FGF12: variants seen among roughly 807,000 people sequenced by gnomAD.
FGF12 encodes the protein fibroblast growth factor 12, also known as fibroblast growth factor 12B.
In FGF12, 14 loss-of-function variants were observed where a neutral mutation model predicts 23.6. The ratio of observed to expected loss-of-function variants is 0.59; its 90% confidence interval spans 0.39 to 0.93. The LOEUF is 0.93. Among genes scored for constraint, FGF12 ranks in the 40% least tolerant of loss-of-function variants. FGF12 has a pLI of 0.00. For missense variants in FGF12, 175 were observed against 217.8 expected, an observed-to-expected ratio of 0.80 and a Z score of 1.24; for synonymous variants, 62 against 77.3, an observed-to-expected ratio of 0.80 and a Z score of 1.04.
intron 2 of FGF12, among the ~76,000 whole-genome samples, chr3:192,660,857 A>G (rs1716639490): frequency 6.8e-6 from 1 of 146,924 alleles, no homozygotes; most frequent in Non-Finnish European, 1.5e-5. Flanking sequence ...GGTTGGATTC[A>G]TGCTCAAGGA....
intron 4 of FGF12, among the ~76,000 whole-genome samples, chr3:192,212,182 G>A (rs948690433): frequency 2.0e-5 from 3 of 152,136 alleles, no homozygotes; most frequent in Admixed American, 1.3e-4. Context: ...TCACTTATCT[G>A]GCTGCAAACC....
chr3:192,553,697 C>T (rs953659540), intron 2 of FGF12, among the ~76,000 whole-genome samples: 1 of 152,146 alleles, frequency 6.6e-6, no homozygotes, highest in Non-Finnish European at 1.5e-5. Context: ...ATAGTCCCCC[C>T]AACCCCCGGC....
chr3:192,201,223 T>C (rs911367251), intron 4 of FGF12, among the ~76,000 whole-genome samples: 4 of 151,580 alleles, frequency 2.6e-5, no homozygotes, highest in Non-Finnish European at 5.9e-5. Flanking sequence ...GCTTTCTTGA[T>C]TGATCTCTTT....
chr3:192,548,117 A>C (rs1725540867), intron 2 of FGF12, among the ~76,000 whole-genome samples: 1 of 152,198 alleles, frequency 6.6e-6, no homozygotes, highest in Non-Finnish European at 1.5e-5. Context: ...GTAAATTTGA[A>C]TAACATCCAA....
chr3:192,221,909 A>G (rs1375590547), intron 4 of FGF12, among the ~76,000 whole-genome samples: 1 of 152,202 alleles, frequency 6.6e-6, no homozygotes, highest in Admixed American at 6.5e-5. Flanking sequence ...GAAGCAAAAT[A>G]TAAACAAAAA....
intron 2 of FGF12, among the ~76,000 whole-genome samples, chr3:192,436,379 A>C (rs1353373741): frequency 1.3e-5 from 2 of 152,220 alleles, no homozygotes; most frequent in Non-Finnish European, 2.9e-5. Context: ...CAGCAGAATC[A>C]AGTGGAGGGC....
chr3:192,636,498 A>C (rs903457231), intron 2 of FGF12, among the ~76,000 whole-genome samples: 1 of 152,222 alleles, frequency 6.6e-6, no homozygotes, highest in Admixed American at 6.5e-5. Context: ...AATTCTTAAC[A>C]AATAGTTTCA....
chr3:192,526,552 G>A (rs963213537), intron 2 of FGF12, among the ~76,000 whole-genome samples: 8 of 151,660 alleles, frequency 5.3e-5, no homozygotes, highest in East Asian at 3.9e-4. Flanking sequence ...ACACACACAC[G>A]CATACACACA....
At chr3:192,682,177 C>A (rs1487935313) in intron 2 of FGF12, among the ~76,000 whole-genome samples, 1 of 152,070 alleles carries the variant, frequency 6.6e-6, no homozygotes, top group Non-Finnish European at 1.5e-5. Flanking sequence ...CAGCAGTGGT[C>A]TAAAGAACCC....
At chr3:192,556,050 C>A in intron 2 of FGF12, among the ~76,000 whole-genome samples, 1 of 151,248 alleles carries the variant, frequency 6.6e-6, no homozygotes, top group Admixed American at 6.6e-5. Context: ...AAGCATGTTG[C>A]TATTAAAAAA....
At chr3:192,281,629 G>A (rs1011324526) in intron 4 of FGF12, among the ~76,000 whole-genome samples, 3 of 151,990 alleles carry the variant, frequency 2.0e-5, no homozygotes, top group Non-Finnish European at 2.9e-5. Flanking sequence ...CCATGCTGCC[G>A]AAGGTCGCAC....
chr3:192,145,519 T>G (rs1255414867), intron 5 of FGF12, among the ~76,000 whole-genome samples: 1 of 152,206 alleles, frequency 6.6e-6, no homozygotes, highest in Non-Finnish European at 1.5e-5. Flanking sequence ...AGGATTGTAG[T>G]GAGCTTGAGA....
intron 2 of FGF12, among the ~76,000 whole-genome samples, chr3:192,638,949 C>T (rs1715685396): frequency 6.6e-6 from 1 of 152,212 alleles, no homozygotes; most frequent in Non-Finnish European, 1.5e-5. Context: ...AAATTCACTT[C>T]TGGCTTTCCC....
rs566312613 is a variant in FGF12 at position 192,391,428 on chromosome 3, T to A, written c.14-30890A>T. 4.6e-5 allele frequency among the ~76,000 whole-genome samples: 7 copies of A among 152,314 alleles called. No individual in the cohort carries two copies. The East Asian group carries it at 1.3e-3, about 29-fold the overall frequency. On this transcript the variant is annotated intron_variant, in intron 2 of 5. Transcript: ENST00000445105. ...AATAATAAAATCCCTACTGTGAAAT[T>A]ATGAAGTTCTTTTCTCAAAGCACAT...
chr3:192,327,096 G>A (rs1357879883), intron 4 of FGF12, among the ~76,000 whole-genome samples: 1 of 152,170 alleles, frequency 6.6e-6, no homozygotes, highest in Non-Finnish European at 1.5e-5. Flanking sequence ...ACCAGAGTGG[G>A]CTTATTTAAG....
At chr3:192,652,928 C>G (rs1177335676) in intron 2 of FGF12, among the ~76,000 whole-genome samples, 1 of 152,168 alleles carries the variant, frequency 6.6e-6, no homozygotes, top group Non-Finnish European at 1.5e-5. Context: ...GGTGGTGAGT[C>G]ATCACTTTTT....
At chr3:192,344,758 G>A (rs1717870599) in intron 3 of FGF12, among the ~76,000 whole-genome samples, 2 of 152,090 alleles carry the variant, frequency 1.3e-5, no homozygotes, top group Non-Finnish European at 2.9e-5. Context: ...TTTTAATCCT[G>A]ATAATATCAT....
chr3:192,699,335 AT>A (rs1718223368), intron 2 of FGF12, among the ~76,000 whole-genome samples: 9 of 152,256 alleles, frequency 5.9e-5, no homozygotes, highest in Admixed American at 5.9e-4. Context: ...TTCCTACACG[AT>A]TTCAAGTCAT....
At chr3:192,345,722 T>C (rs1398833043) in intron 3 of FGF12, among the ~76,000 whole-genome samples, 1 of 151,842 alleles carries the variant, frequency 6.6e-6, no homozygotes, top group Admixed American at 6.6e-5. Context: ...CATAAAATTC[T>C]AATGATAACA....
Sources: allele counts gnomAD v4.1 joint callset (sites outside exome capture counted in the v4.1 genomes callset), GRCh38; gene constraint gnomAD v4.1.1; transcripts MANE v1.5; gene names NCBI Gene and HGNC (gene_info 2026-07-23, HGNC 2026-07-21).